MOB1B: variants seen among roughly 807,000 people sequenced by gnomAD.
MOB1B encodes MOB kinase activator 1B.
In MOB1B, 19 loss-of-function variants were observed where a neutral mutation model predicts 24.4. The observed-to-expected ratio is 0.78, with a 90% CI of 0.54 to 1.14. The LOEUF (loss-of-function observed/expected upper bound fraction) is 1.14, where lower values mean the gene tolerates loss of function less well. Among genes scored for constraint, MOB1B ranks in the 50% most tolerant of loss-of-function variants. The pLI is 0.00. For missense variants in MOB1B, 243 were observed against 259.6 expected, an observed-to-expected ratio of 0.94 and a Z score of 0.44; for synonymous variants, 76 against 82.1, an observed-to-expected ratio of 0.93 and a Z score of 0.40.
At chr4:70,973,466 T>C (rs1428383606) in intron 3 of MOB1B, among the ~76,000 whole-genome samples, 1 of 113,122 alleles carries the variant, frequency 8.8e-6, no homozygotes, top group Non-Finnish European at 1.7e-5. Context: ...CAAGACCCTG[T>C]CTCAAAAAAA....
intron 1 of MOB1B, among the ~76,000 whole-genome samples, chr4:70,926,553 T>C (rs1736662954): frequency 6.6e-6 from 1 of 152,222 alleles, no homozygotes; most frequent in African/African-American, 2.4e-5. Flanking sequence ...CCAAGCCCAG[T>C]GTATAAACTG....
intron 1 of MOB1B, among the ~76,000 whole-genome samples, chr4:70,946,762 T>C (rs1490734055): frequency 6.6e-6 from 1 of 152,040 alleles, no homozygotes; most frequent in Non-Finnish European, 1.5e-5. Flanking sequence ...CCTGTGCTTT[T>C]TCCAAAGAGG....
At chr4:70,981,889 T>C in intron 5 of MOB1B, 91 bp from the exon 6 acceptor site, 1 of 872,580 alleles carries the variant, frequency 1.1e-6, no homozygotes, top group Non-Finnish European at 1.8e-6. Context: ...CAAAAGCTAA[T>C]TTCCAACAAA....
chr4:70,916,660 C>T lies in MOB1B; in HGVS notation c.14+14110C>T, dbSNP rs535944254. ...TTAGCTCACTGCAACCTCTGCCTCC[C>T]GGGTTCAAGCAATTCTCCTCCCTCA... On this transcript the variant is annotated intron_variant, in intron 1 of 5. Transcript: ENST00000309395. 2.0e-3 allele frequency among the ~76,000 whole-genome samples: 298 copies of T among 152,206 alleles called. 1 individual carries two copies. The highest frequency in any genetic ancestry group is 6.6e-3 in the African/African-American group (276 of 41,520).
chr4:70,907,173 C>T (rs1735782478), intron 1 of MOB1B, among the ~76,000 whole-genome samples: 1 of 152,132 alleles, frequency 6.6e-6, no homozygotes, highest in East Asian at 1.9e-4. Context: ...GTAACATGGC[C>T]TACTTACTTC....
chr4:70,954,113 T>G (rs542393733), intron 1 of MOB1B, among the ~76,000 whole-genome samples: 1 of 152,304 alleles, frequency 6.6e-6, no homozygotes, highest in Non-Finnish European at 1.5e-5. Flanking sequence ...ACTTGATGTG[T>G]GACAGTTATT....
chr4:70,902,466 CTCT>C lies in MOB1B; in HGVS notation c.-66_-64del, dbSNP rs1293938136. 6 of 1,524,122 alleles carry C rather than the reference CTCT, an allele frequency of 3.9e-6. No individual in the cohort carries two copies. The highest frequency in any genetic ancestry group is 1.4e-5 in the African/African-American group (1 of 72,576). 94.4% of individuals were successfully genotyped at this position (1,524,122 alleles called of 1,614,324 possible). Reference sequence around the variant, plus strand: ...CTGTCTCCTGTTCCATTCGCCTTTCCTCTTCTTTCCTGGCCCACGCCGCTCCGA... The same window carrying C: ...CTGTCTCCTGTTCCATTCGCCTTTCCTCTTTCCTGGCCCACGCCGCTCCGA... On this transcript the variant is annotated 5_prime_UTR_variant, in exon 1 of 6. Transcript: ENST00000309395.
At chr4:70,941,271 G>A (rs902772282) in intron 1 of MOB1B, among the ~76,000 whole-genome samples, 3 of 151,496 alleles carry the variant, frequency 2.0e-5, no homozygotes, top group African/African-American at 4.9e-5. Flanking sequence ...TATGTTCTCA[G>A]TACTATACTC....
At chr4:70,952,880 A>G (rs2148890822) in intron 1 of MOB1B, among the ~76,000 whole-genome samples, 1 of 147,108 alleles carries the variant, frequency 6.8e-6, no homozygotes, top group Non-Finnish European at 1.5e-5. Context: ...TTCTGTGTAC[A>G]TGCTTGGGTA....
At chr4:70,926,991 C>G (rs1736683767) in intron 1 of MOB1B, among the ~76,000 whole-genome samples, 1 of 114,762 alleles carries the variant, frequency 8.7e-6, no homozygotes, top group Non-Finnish European at 1.8e-5. Flanking sequence ...AGCAAGACTC[C>G]GTCTCAAAAA....
chr4:70,946,290 G>C (rs920943977), intron 1 of MOB1B, among the ~76,000 whole-genome samples: 1 of 151,934 alleles, frequency 6.6e-6, no homozygotes, highest in Non-Finnish European at 1.5e-5. Context: ...GGTAACAATG[G>C]CTCCTCGCAA....
At chr4:70,922,586 G>C (rs1736482900) in intron 1 of MOB1B, among the ~76,000 whole-genome samples, 1 of 152,178 alleles carries the variant, frequency 6.6e-6, no homozygotes, top group African/African-American at 2.4e-5. Context: ...AATAGAATGA[G>C]AGGCAGGCCC....
intron 1 of MOB1B, among the ~76,000 whole-genome samples, chr4:70,922,768 C>T (rs1304465848): frequency 6.6e-6 from 1 of 152,162 alleles, no homozygotes; most frequent in Non-Finnish European, 1.5e-5. Context: ...ATTGCTTAGA[C>T]TTAATTTATG....
chr4:70,941,798 A>G (rs1737360399), intron 1 of MOB1B, among the ~76,000 whole-genome samples: 2 of 152,252 alleles, frequency 1.3e-5, no homozygotes, highest in African/African-American at 4.8e-5. Flanking sequence ...AAGTAAAGCT[A>G]ATTACTGAGA....
intron 1 of MOB1B, among the ~76,000 whole-genome samples, chr4:70,910,276 A>G (rs1017341955): frequency 9.3e-5 from 14 of 150,990 alleles, no homozygotes; most frequent in African/African-American, 3.2e-4. Flanking sequence ...CCTGGCCTCA[A>G]GCAATCTGCC....
At chr4:70,965,021 G>A (rs1161353201) in intron 2 of MOB1B, among the ~76,000 whole-genome samples, 1 of 151,640 alleles carries the variant, frequency 6.6e-6, no homozygotes. Context: ...AATTGGGCTC[G>A]GCGTGGTAGC....
chr4:70,928,699 T>C (rs1338571836), intron 1 of MOB1B, among the ~76,000 whole-genome samples: 1 of 152,134 alleles, frequency 6.6e-6, no homozygotes, highest in African/African-American at 2.4e-5. Flanking sequence ...TATTAAAAGG[T>C]GGCTACTGTG....
chr4:70,931,013 C>T (rs191971274), intron 1 of MOB1B, among the ~76,000 whole-genome samples: 48 of 145,960 alleles, frequency 3.3e-4, no homozygotes, highest in African/African-American at 1.1e-3. Flanking sequence ...TGCCTTGTGT[C>T]CCAGGTTTGA....
chr4:70,912,042 G>A lies in MOB1B; in HGVS notation c.14+9492G>A, dbSNP rs559308982. The stretch of plus-strand genomic sequence containing the variant: ...CTCCCGAGTAGCTGGGACTACAGTC[G>A]CCTACCACCATGCTGAGCTAAGTTT... On this transcript the variant is annotated intron_variant, in intron 1 of 5. Coordinates refer to ENST00000309395, the MANE Select transcript of MOB1B (RefSeq NM_173468.4). Among the ~76,000 whole-genome samples, 5 of 151,510 alleles carry A rather than the reference G, an allele frequency of 3.3e-5. No individual in the cohort carries two copies. The East Asian group carries it at 7.8e-4, about 24-fold the overall frequency.
Sources: allele counts gnomAD v4.1 joint callset (sites outside exome capture counted in the v4.1 genomes callset), GRCh38; gene constraint gnomAD v4.1.1; transcripts MANE v1.5; gene names NCBI Gene and HGNC (gene_info 2026-07-23, HGNC 2026-07-21).